The following DLG2 variants were observed in gnomAD, a reference collection of about 807,000 sequenced individuals.
The protein encoded by DLG2 is disks large homolog 2.
In DLG2, 45 loss-of-function variants were observed where a neutral mutation model predicts 132.5. That is an observed-to-expected ratio of 0.34 (90% CI 0.27 to 0.44). The LOEUF is 0.44. Ranked by LOEUF, DLG2 falls within the 20% of genes least tolerant of loss-of-function variation. The pLI is 1.00. For missense variants in DLG2, 1,045 were observed against 1,196.9 expected (o/e 0.87, Z 1.87); for synonymous variants, 424 against 419.6 (o/e 1.01, Z -0.13).
chr11:85,515,054 T>C (rs1168122938), intron 3 of DLG2, among the ~76,000 whole-genome samples: 1 of 151,850 alleles, frequency 6.6e-6, no homozygotes, highest in Non-Finnish European at 1.5e-5. Flanking sequence ...CAAGACAATA[T>C]TAAAAATAAT....
At chr11:83,835,268 A>C (rs2055815386) in intron 16 of DLG2, among the ~76,000 whole-genome samples, 1 of 152,198 alleles carries the variant, frequency 6.6e-6, no homozygotes, top group Non-Finnish European at 1.5e-5. Flanking sequence ...AATCTAATGA[A>C]GGTAGACCAC....
intron 16 of DLG2, among the ~76,000 whole-genome samples, chr11:83,846,522 A>C (rs2058635509): frequency 6.6e-6 from 1 of 152,222 alleles, no homozygotes; most frequent in Admixed American, 6.5e-5. Flanking sequence ...CTCTAAAGAC[A>C]CTTCTGCTGC....
intron 18 of DLG2, among the ~76,000 whole-genome samples, chr11:83,718,352 G>A (rs1272226307): frequency 6.6e-6 from 1 of 151,818 alleles, no homozygotes; most frequent in Non-Finnish European, 1.5e-5. Context: ...GCCTGGCCAA[G>A]ATGGTGAAAC....
chr11:83,783,020 A>G (rs1224757633), intron 18 of DLG2, among the ~76,000 whole-genome samples: 3 of 152,216 alleles, frequency 2.0e-5, no homozygotes, highest in Admixed American at 1.3e-4. Context: ...TTGAAGTACA[A>G]TGTATGTAAT....
chr11:84,016,039 C>A (rs2095163484), intron 11 of DLG2, among the ~76,000 whole-genome samples: 1 of 152,140 alleles, frequency 6.6e-6, no homozygotes, highest in Admixed American at 6.6e-5. Context: ...GCCTCATCAG[C>A]AGCTGTTGTT....
chr11:85,246,030 C>T (rs2076119122), intron 4 of DLG2, among the ~76,000 whole-genome samples: 1 of 151,878 alleles, frequency 6.6e-6, no homozygotes, highest in African/African-American at 2.4e-5. Context: ...TCCTGATCAC[C>T]CTTAACTCCA....
intron 6 of DLG2, among the ~76,000 whole-genome samples, chr11:84,828,497 AAAAAT>A (rs1253873165): frequency 6.6e-6 from 1 of 151,844 alleles, no homozygotes; most frequent in Non-Finnish European, 1.5e-5. Context: ...AGCAGTAAGT[AAAAAT>A]AAAAGAAAAG....
intron 6 of DLG2, among the ~76,000 whole-genome samples, chr11:84,684,578 G>A (rs1184811230): frequency 6.6e-6 from 1 of 152,174 alleles, no homozygotes; most frequent in African/African-American, 2.4e-5. Flanking sequence ...ACCTGAACAT[G>A]TGGGTCAGAT....
At chr11:85,104,981 A>G (rs557360572) in intron 6 of DLG2, among the ~76,000 whole-genome samples, 9 of 151,636 alleles carry the variant, frequency 5.9e-5, no homozygotes, top group South Asian at 4.2e-4. Context: ...AATTCTAAGG[A>G]AAATATTAAA....
At chr11:85,279,778 A>G (rs531331) in intron 4 of DLG2, among the ~76,000 whole-genome samples, 130,851 of 152,072 alleles carry the variant, frequency 0.86, 56,820 homozygotes, top group Non-Finnish European at 0.93. Flanking sequence ...GCATTCAAGA[A>G]CCTATTGAGA....
intron 6 of DLG2, among the ~76,000 whole-genome samples, chr11:84,822,680 A>G (rs2077836753): frequency 6.6e-6 from 1 of 151,914 alleles, no homozygotes; most frequent in Admixed American, 6.6e-5. Flanking sequence ...TATAAACTAC[A>G]TTGTATTTTC....
At chr11:84,935,491 G>C (rs1459153890) in intron 6 of DLG2, among the ~76,000 whole-genome samples, 1 of 152,090 alleles carries the variant, frequency 6.6e-6, no homozygotes, top group Non-Finnish European at 1.5e-5. Flanking sequence ...AACTTGTTTT[G>C]ATTCCTCTAA....
chr11:84,345,968 C>T (rs1201946703), intron 7 of DLG2, among the ~76,000 whole-genome samples: 1 of 152,172 alleles, frequency 6.6e-6, no homozygotes, highest in African/African-American at 2.4e-5. Flanking sequence ...AAGGGAAAGG[C>T]AGTGGGTTAA....
chr11:85,072,979 T>C (rs1419097666), intron 6 of DLG2, among the ~76,000 whole-genome samples: 2 of 151,878 alleles, frequency 1.3e-5, no homozygotes, highest in Non-Finnish European at 2.9e-5. Flanking sequence ...CAGTTTTTAA[T>C]GTCAAAAATA....
chr11:85,060,454 T>C (rs2063954271), intron 6 of DLG2, among the ~76,000 whole-genome samples: 1 of 148,476 alleles, frequency 6.7e-6, no homozygotes, highest in Non-Finnish European at 1.5e-5. Flanking sequence ...CGCATATGCA[T>C]ATGTGTGTGT....
intron 12 of DLG2, among the ~76,000 whole-genome samples, chr11:83,965,939 T>A (rs1469006961): frequency 1.3e-5 from 2 of 152,044 alleles, no homozygotes; most frequent in Non-Finnish European, 2.9e-5. Flanking sequence ...GTAGCAGCAA[T>A]GTAGTTTAAC....
chr11:84,667,635 T>C (rs1215175269), intron 6 of DLG2, among the ~76,000 whole-genome samples: 2 of 151,614 alleles, frequency 1.3e-5, no homozygotes, highest in African/African-American at 4.8e-5. Context: ...TAGCTGGAAA[T>C]ACAGGCACCC....
intron 17 of DLG2, chr11:83,790,722 T>G (rs1460825434): frequency 1.3e-6 from 1 of 780,062 alleles, no homozygotes; most frequent in African/African-American, 1.7e-5. Flanking sequence ...CAACAACCCA[T>G]TCATGGACTG....
intron 6 of DLG2, among the ~76,000 whole-genome samples, chr11:84,932,828 G>T (rs753795713): frequency 3.3e-5 from 5 of 152,152 alleles, no homozygotes; most frequent in African/African-American, 7.2e-5. Flanking sequence ...ACATGTGTGT[G>T]CATGTGTCTT....
Sources: gnomAD v4.1 joint callset for allele counts (sites outside exome capture counted in the v4.1 genomes callset) on GRCh38, gnomAD v4.1.1 for gene constraint, MANE v1.5 for transcripts, NCBI Gene and HGNC (gene_info 2026-07-23, HGNC 2026-07-21) for gene names.